IL36B: variants seen among roughly 807,000 people sequenced by gnomAD.
The protein encoded by IL36B is interleukin 36 beta.
In IL36B, 23 loss-of-function variants were observed where a neutral mutation model predicts 19.3. That is an observed-to-expected ratio of 1.19 (90% confidence interval 0.86 to 1.69). IL36B has a LOEUF of 1.69. IL36B is among the 40% of genes most tolerant of loss of function. The pLI, the probability that IL36B is intolerant of heterozygous loss-of-function variation, is 0.00. For missense variants in IL36B, 217 were observed against 200.5 expected (o/e 1.08, Z -0.50); for synonymous variants, 59 against 59.7 (o/e 0.99, Z 0.05).
intron 1 of IL36B, among the ~76,000 whole-genome samples, chr2:113,046,371 A>G (rs558507583): frequency 9.9e-5 from 15 of 152,106 alleles, no homozygotes; most frequent in African/African-American, 1.7e-4. Flanking sequence ...CACCACGCTC[A>G]GCTAATTTTT....
chr2:113,037,720 A>G (rs1685187632), intron 1 of IL36B, among the ~76,000 whole-genome samples: 1 of 151,654 alleles, frequency 6.6e-6, no homozygotes, highest in Non-Finnish European at 1.5e-5. Flanking sequence ...AATATGAATG[A>G]TAGAGGAGTT....
intron 1 of IL36B, among the ~76,000 whole-genome samples, chr2:113,041,140 G>C (rs1185770436): frequency 7.3e-6 from 1 of 137,568 alleles, no homozygotes; most frequent in Non-Finnish European, 1.5e-5. Flanking sequence ...CTGGGTGACA[G>C]AGCAAGACTT....
intron 2 of IL36B, among the ~76,000 whole-genome samples, chr2:113,031,474 T>C (rs566607343): frequency 7.2e-5 from 11 of 152,318 alleles, no homozygotes; most frequent in African/African-American, 2.6e-4. Context: ...CCATATGTTG[T>C]TTTTTAAAAT....
chr2:113,044,808 T>A (rs1573376664), intron 1 of IL36B, among the ~76,000 whole-genome samples: 1 of 152,218 alleles, frequency 6.6e-6, no homozygotes, highest in African/African-American at 2.4e-5. Flanking sequence ...TGAGTCCTTT[T>A]GGATTACTTG....
At chr2:113,048,102 G>T (rs554622045) in intron 1 of IL36B, among the ~76,000 whole-genome samples, 1 of 152,130 alleles carries the variant, frequency 6.6e-6, no homozygotes, top group Non-Finnish European at 1.5e-5. Flanking sequence ...AATATATAGC[G>T]TCTGTAAGAA....
At chr2:113,043,236 C>G (rs927265396) in intron 1 of IL36B, among the ~76,000 whole-genome samples, 2 of 152,094 alleles carry the variant, frequency 1.3e-5, no homozygotes, top group African/African-American at 4.8e-5. Context: ...AGTGACTTCT[C>G]TTTTCATTCT....
chr2:113,030,935 G>T, intron 3 of IL36B, 113 bp downstream of exon 3: 1 of 724,198 alleles, frequency 1.4e-6, no homozygotes, highest in Non-Finnish European at 2.5e-6. Context: ...TGGCTGTTGG[G>T]CTGGTGCCTA....
intron 1 of IL36B, among the ~76,000 whole-genome samples, chr2:113,047,925 G>A (rs1160742018): frequency 6.6e-6 from 1 of 152,022 alleles, no homozygotes; most frequent in Non-Finnish European, 1.5e-5. Flanking sequence ...GTTAACTCAG[G>A]AGAAGACAGA....
chr2:113,026,121 G>A lies in IL36B; in HGVS notation c.373C>T (p.Gln125Ter). 1 of 1,613,702 alleles carries A rather than the reference G, an allele frequency of 6.2e-7. No homozygotes were observed. The highest frequency in any genetic ancestry group is 8.5e-7 in the Non-Finnish European group (1 of 1,179,756). Residue 125 changes from glutamine to a stop codon, truncating the protein, a stop_gained, in exon 5 of 6, where the codon CAA becomes TAA. Coordinates refer to ENST00000259213, the MANE Select transcript of IL36B (RefSeq NM_014438.5). LOFTEE classifies it high-confidence loss of function. ...TCCTCACCCACTCCTATTCCCCATT[G>A]GTCAAGGGTTCCCATGAAGCAGCTC...
At chr2:113,048,867 G>A (rs192706791) in intron 1 of IL36B, among the ~76,000 whole-genome samples, 1 of 152,108 alleles carries the variant, frequency 6.6e-6, no homozygotes, top group East Asian at 1.9e-4. Flanking sequence ...ACCAACATTT[G>A]GAAAGCCAAA....
chr2:113,026,265 T>C (rs1684959707), intron 4 of IL36B: 1 of 1,612,256 alleles, frequency 6.2e-7, no homozygotes. Flanking sequence ...GTTGCTGAGA[T>C]AATACACTGC....
chr2:113,037,831 G>A (rs958787053), intron 1 of IL36B, among the ~76,000 whole-genome samples: 3 of 152,130 alleles, frequency 2.0e-5, no homozygotes, highest in African/African-American at 7.2e-5. Flanking sequence ...ATTCTATGCT[G>A]TAGAGGTAAA....
intron 5 of IL36B, among the ~76,000 whole-genome samples, chr2:113,024,702 C>T (rs1396511996): frequency 6.6e-6 from 1 of 152,200 alleles, no homozygotes; most frequent in Non-Finnish European, 1.5e-5. Flanking sequence ...GATGGGCTGG[C>T]TGTCTATCTC....
chr2:113,050,818 G>T (rs943408279), intron 1 of IL36B, among the ~76,000 whole-genome samples: 1 of 152,212 alleles, frequency 6.6e-6, no homozygotes, highest in African/African-American at 2.4e-5. Flanking sequence ...CTTTCTCAGG[G>T]GTAGCCCTGG....
rs180748332 is a variant in IL36B at position 113,049,912 on chromosome 2, G to T, written c.-58+2905C>A. On this transcript the variant is annotated intron_variant, in intron 1 of 5. Coordinates refer to ENST00000259213, the MANE Select transcript of IL36B (RefSeq NM_014438.5). ...AGAGGTTGAAGTGAGCTGAGATCAC[G>T]CCACTTCACTCCAGCCTGGGCGACA... Among the ~76,000 whole-genome samples, 352 of 151,734 alleles carry T rather than the reference G, an allele frequency of 2.3e-3. 2 individuals carry two copies. Among genetic ancestry groups the T allele is most frequent in the African/African-American group, 8.1e-3 (333 of 41,356 alleles).
intron 1 of IL36B, among the ~76,000 whole-genome samples, chr2:113,037,424 C>T (rs566278539): frequency 1.8e-4 from 27 of 152,216 alleles, no homozygotes; most frequent in Admixed American, 1.8e-3. Flanking sequence ...CCAAGACAGG[C>T]GGATCACCTG....
At chr2:113,035,652 T>G (rs1053319281) in intron 1 of IL36B, among the ~76,000 whole-genome samples, 3 of 152,006 alleles carry the variant, frequency 2.0e-5, no homozygotes, top group African/African-American at 7.3e-5. Context: ...AACAAAAATA[T>G]TTTGATGTTT....
intron 2 of IL36B, 150 bp downstream of exon 2, chr2:113,031,547 G>A (rs1036603112): frequency 7.3e-5 from 47 of 645,790 alleles, no homozygotes; most frequent in African/African-American, 5.5e-5. Context: ...TAGGTGCCCC[G>A]AGATTTTCAA....
At position 113,031,144 on chromosome 2, in the gene IL36B, G is replaced by A; in HGVS notation, c.25C>T (p.Pro9Ser). Residue 9 changes from proline to serine, a missense_variant, in exon 3 of 6, where the codon CCC becomes TCC. Physicochemically the swap from Pro to Ser is moderately conservative, Grantham distance 74. Coordinates refer to ENST00000259213, the MANE Select transcript of IL36B (RefSeq NM_014438.5). Reference sequence around the variant, plus strand: ...GAATCACGAATAGCATAGGATTTGGGTGCTGCCTCCCCTGCCAGATGACAA... The same window carrying A: ...GAATCACGAATAGCATAGGATTTGGATGCTGCCTCCCCTGCCAGATGACAA... 6.2e-7 allele frequency: 1 copy of A among 1,613,830 alleles called. No homozygotes were observed. The highest frequency in any genetic ancestry group is 8.5e-7 in the Non-Finnish European group (1 of 1,179,704).
Sources: allele counts gnomAD v4.1 joint callset (sites outside exome capture counted in the v4.1 genomes callset), GRCh38; gene constraint gnomAD v4.1.1; transcripts MANE v1.5; gene names NCBI Gene and HGNC (gene_info 2026-07-23, HGNC 2026-07-21).